The following SIPA1L1 variants were observed in gnomAD, a reference collection of about 807,000 sequenced individuals.
SIPA1L1 encodes signal-induced proliferation-associated 1-like protein 1.
SIPA1L1 carries 26 observed loss-of-function variants against 162.7 expected under a neutral mutation model. That is an observed-to-expected ratio of 0.16 (90% CI 0.12 to 0.22). The LOEUF is 0.22. Among genes scored for constraint, SIPA1L1 ranks in the 10% least tolerant of loss-of-function variants. The pLI, the probability that SIPA1L1 is intolerant of heterozygous loss-of-function variation, is 1.00. For missense variants in SIPA1L1, 1,874 were observed against 2,241.0 expected (o/e 0.84, Z 3.31); for synonymous variants, 829 against 837.4 (o/e 0.99, Z 0.17).
At chr14:71,506,069 A>T (rs922114601) in intron 2 of SIPA1L1, among the ~76,000 whole-genome samples, 1 of 151,574 alleles carries the variant, frequency 6.6e-6, no homozygotes, top group South Asian at 2.1e-4. Flanking sequence ...TTCCACCTTA[A>T]CATGGTATCA....
chr14:71,705,373 A>C, intron 16 of SIPA1L1, 33 bp downstream of exon 16: 1 of 1,453,848 alleles, frequency 6.9e-7, no homozygotes. Flanking sequence ...AAAGTATTAG[A>C]TTCCTAGCAG....
intron 2 of SIPA1L1, among the ~76,000 whole-genome samples, chr14:71,485,102 C>T (rs969977772): frequency 6.6e-6 from 1 of 152,174 alleles, no homozygotes; most frequent in African/African-American, 2.4e-5. Context: ...GGTACAATAA[C>T]GTTTCCACAA....
At chr14:71,569,847 C>A (rs750913184) in intron 4 of SIPA1L1, among the ~76,000 whole-genome samples, 17 of 152,320 alleles carry the variant, frequency 1.1e-4, no homozygotes, top group South Asian at 6.2e-4. Context: ...GCTTCTGCCA[C>A]CACCTTCCAT....
chr14:71,350,419 A>G (rs1270436952), intron 2 of SIPA1L1, among the ~76,000 whole-genome samples: 1 of 152,048 alleles, frequency 6.6e-6, no homozygotes, highest in African/African-American at 2.4e-5. Context: ...AGACAAAACA[A>G]AAAAAAGTGG....
chr14:71,704,881 G>A, intron 15 of SIPA1L1: 1 of 781,910 alleles, frequency 1.3e-6, no homozygotes, highest in Non-Finnish European at 2.2e-6. Flanking sequence ...ACTTGGCAAT[G>A]AATGAATTTC....
chr14:71,626,351 A>G (rs762450488), intron 7 of SIPA1L1, among the ~76,000 whole-genome samples: 12 of 152,194 alleles, frequency 7.9e-5, no homozygotes, highest in Non-Finnish European at 1.5e-4. Flanking sequence ...GAACAGCTCC[A>G]TGTCTGGACT....
intron 2 of SIPA1L1, among the ~76,000 whole-genome samples, chr14:71,417,469 C>CAAAAA (rs58628136): frequency 0.012 from 212 of 17,770 alleles, 56 homozygotes; most frequent in South Asian, 0.02. Context: ...GACTCCGTCT[C>CAAAAA]AAAAAAAAAA....
At chr14:71,367,809 G>C (rs550508571) in intron 2 of SIPA1L1, among the ~76,000 whole-genome samples, 58 of 150,174 alleles carry the variant, frequency 3.9e-4, no homozygotes, top group African/African-American at 1.3e-3. Context: ...GTTTCACCAT[G>C]TTGGCCAGGC....
chr14:71,738,161 T>TA (rs34549978), intron 22 of SIPA1L1, 80 bp from the exon 23 acceptor site: 4,023 of 366,940 alleles, frequency 0.011, 14 homozygotes, highest in African/African-American at 0.021. Flanking sequence ...CTCCTCAGAG[T>TA]AAAAAAAAAA....
chr14:71,649,373 G>C (rs147084225), intron 7 of SIPA1L1, among the ~76,000 whole-genome samples: 1 of 151,760 alleles, frequency 6.6e-6, no homozygotes, highest in Admixed American at 6.6e-5. Flanking sequence ...TGTACATTTT[G>C]TAGAGACAGG....
intron 2 of SIPA1L1, among the ~76,000 whole-genome samples, chr14:71,408,691 A>C (rs1037476823): frequency 1.3e-5 from 2 of 152,134 alleles, no homozygotes; most frequent in Admixed American, 6.5e-5. Context: ...GCCTTTACTC[A>C]AAACTCTCTG....
chr14:71,355,722 A>AT (rs2037176450), intron 2 of SIPA1L1, among the ~76,000 whole-genome samples: 1 of 152,228 alleles, frequency 6.6e-6, no homozygotes, highest in South Asian at 2.1e-4. Context: ...GAAAGTACAT[A>AT]TAAGGGAAGG....
At chr14:71,473,436 T>G (rs978229254) in intron 2 of SIPA1L1, among the ~76,000 whole-genome samples, 3 of 152,206 alleles carry the variant, frequency 2.0e-5, no homozygotes, top group Non-Finnish European at 2.9e-5. Context: ...TCAGAAAGGT[T>G]TGTTCCCCCA....
At chr14:71,390,800 A>G (rs2040683944) in intron 2 of SIPA1L1, among the ~76,000 whole-genome samples, 1 of 152,048 alleles carries the variant, frequency 6.6e-6, no homozygotes, top group Non-Finnish European at 1.5e-5. Flanking sequence ...AACAAAAGCA[A>G]AAACAAAAAC....
At chr14:71,686,200 G>C (rs1473824343) in intron 13 of SIPA1L1, among the ~76,000 whole-genome samples, 1 of 152,246 alleles carries the variant, frequency 6.6e-6, no homozygotes, top group Non-Finnish European at 1.5e-5. Context: ...AAGTAAGCCA[G>C]AGGGAGAGGG....
At chr14:71,683,147 T>A (rs576207736) in intron 12 of SIPA1L1, among the ~76,000 whole-genome samples, 27 of 152,280 alleles carry the variant, frequency 1.8e-4, no homozygotes, top group African/African-American at 6.5e-4. Flanking sequence ...CAGCAAGACC[T>A]TCTCTCAAAA....
chr14:71,661,547 A>G, intron 10 of SIPA1L1, 80 bp downstream of exon 10: 6 of 1,449,582 alleles, frequency 4.1e-6, no homozygotes, highest in Non-Finnish European at 5.6e-6. Context: ...TCTGCATTCT[A>G]AAGTGGCAAT....
intron 7 of SIPA1L1, among the ~76,000 whole-genome samples, chr14:71,624,924 G>A (rs1405372447): frequency 6.6e-6 from 1 of 151,996 alleles, no homozygotes; most frequent in East Asian, 1.9e-4. Flanking sequence ...AGTAATTTGA[G>A]CATATGGGCC....
At chr14:71,684,380 C>T (rs552505192) in intron 12 of SIPA1L1, among the ~76,000 whole-genome samples, 3 of 152,358 alleles carry the variant, frequency 2.0e-5, no homozygotes, top group African/African-American at 7.2e-5. Context: ...TCCACTTTGC[C>T]CCCCATCTCC....
Sources: gnomAD v4.1 joint callset for allele counts (sites outside exome capture counted in the v4.1 genomes callset) on GRCh38, gnomAD v4.1.1 for gene constraint, MANE v1.5 for transcripts, NCBI Gene and HGNC (gene_info 2026-07-23, HGNC 2026-07-21) for gene names.